Variants in NIBAN1 observed in about 807,000 individuals in gnomAD.
NIBAN1 encodes niban apoptosis regulator 1.
A neutral mutation model predicts 75.1 loss-of-function variants in NIBAN1; 81 were observed. The ratio of observed to expected loss-of-function variants is 1.08; its 90% CI spans 0.90 to 1.30. NIBAN1 has a LOEUF of 1.30. Ranked by LOEUF, NIBAN1 falls within the 50% of genes most tolerant of loss-of-function variation. The pLI, the probability that NIBAN1 is intolerant of heterozygous loss-of-function variation, is 0.00. For synonymous variants in NIBAN1, 436 were observed against 424.8 expected, an observed-to-expected ratio of 1.03 and a Z score of -0.32; for missense variants, 1,133 against 1,128.1, an observed-to-expected ratio of 1.00 and a Z score of -0.06.
intron 1 of NIBAN1, among the ~76,000 whole-genome samples, chr1:184,913,490 TG>T (rs1657303464): frequency 6.6e-6 from 1 of 152,156 alleles, no homozygotes; most frequent in East Asian, 1.9e-4. Flanking sequence ...GTTAACAGAA[TG>T]GGAAGAATTA....
chr1:184,874,445 T>C (rs1437471477), intron 5 of NIBAN1, among the ~76,000 whole-genome samples: 1 of 152,022 alleles, frequency 6.6e-6, no homozygotes, highest in African/African-American at 2.4e-5. Context: ...TTAAAGACTG[T>C]CAGATGTTTT....
intron 9 of NIBAN1, among the ~76,000 whole-genome samples, chr1:184,809,582 T>C (rs1654308882): frequency 6.6e-6 from 1 of 151,418 alleles, no homozygotes; most frequent in African/African-American, 2.4e-5. Context: ...ACTATAGAAA[T>C]AAATACATCA....
chr1:184,856,280 T>G (rs1209712885), intron 5 of NIBAN1, among the ~76,000 whole-genome samples: 1 of 152,184 alleles, frequency 6.6e-6, no homozygotes, highest in Non-Finnish European at 1.5e-5. Context: ...CCTACATGCC[T>G]TCTGGAGAAA....
At chr1:184,925,092 G>T (rs904981834) in intron 1 of NIBAN1, among the ~76,000 whole-genome samples, 1 of 151,936 alleles carries the variant, frequency 6.6e-6, no homozygotes, top group Non-Finnish European at 1.5e-5. Context: ...GTGCTCTAGT[G>T]TTGGGTGCAT....
chr1:184,816,985 T>C (rs1654555922), intron 9 of NIBAN1, among the ~76,000 whole-genome samples: 1 of 152,166 alleles, frequency 6.6e-6, no homozygotes, highest in Non-Finnish European at 1.5e-5. Context: ...CATCAAGTTG[T>C]CATTTACATT....
At chr1:184,916,578 G>A (rs1387184690) in intron 1 of NIBAN1, among the ~76,000 whole-genome samples, 1 of 151,744 alleles carries the variant, frequency 6.6e-6, no homozygotes, top group Non-Finnish European at 1.5e-5. Flanking sequence ...TATACAACTT[G>A]GCCAAAGTTT....
chr1:184,843,810 C>T (rs955785529), intron 5 of NIBAN1, among the ~76,000 whole-genome samples: 34 of 152,108 alleles, frequency 2.2e-4, no homozygotes, highest in Non-Finnish European at 1.3e-4. Flanking sequence ...CATCTAATTC[C>T]CTCTTTAAAA....
chr1:184,891,723 T>C (rs952514300), intron 3 of NIBAN1, among the ~76,000 whole-genome samples: 2 of 152,202 alleles, frequency 1.3e-5, no homozygotes, highest in African/African-American at 2.4e-5. Flanking sequence ...AATGTTTTAC[T>C]TTTCCTGTTT....
In NIBAN1 at chr1:184,973,768, T is replaced by C. The variant is rs547589018; in HGVS notation, c.55+534A>G. ...GGGCGGGAAGGGAACGGCATGACAT[T>C]GTCCTTTTTGCCGCTGATGAAATCA... On this transcript the variant is annotated intron_variant, in intron 1 of 13. Coordinates refer to ENST00000367511, the MANE Select transcript of NIBAN1 (RefSeq NM_052966.4). Among the ~76,000 whole-genome samples the C allele has an allele frequency of 1.1e-4, 17 of 152,320 alleles. No individual in the cohort carries two copies. In the South Asian group the frequency reaches 3.5e-3, roughly 32 times the overall value.
At chr1:184,830,784 C>T (rs563835739) in intron 6 of NIBAN1, among the ~76,000 whole-genome samples, 23 of 152,126 alleles carry the variant, frequency 1.5e-4, no homozygotes, top group African/African-American at 4.3e-4. Context: ...GGGGGAATCA[C>T]GAGGTCAGGA....
At chr1:184,826,718 T>C (rs1427028343) in intron 6 of NIBAN1, among the ~76,000 whole-genome samples, 1 of 152,214 alleles carries the variant, frequency 6.6e-6, no homozygotes. Context: ...AGAAAAATAA[T>C]GTTCCATTTG....
rs547769837 is a variant in NIBAN1, at chr1:184,922,826, C to T, written c.56-23517G>A. ...TTCACCATGTGGGTCTGGCTGGTCTCGAACTCCTGACCTCAGGTGATCCAC... is the reference window on the plus strand; with the variant it reads ...TTCACCATGTGGGTCTGGCTGGTCTTGAACTCCTGACCTCAGGTGATCCAC... On this transcript the variant is annotated intron_variant, in intron 1 of 13. Coordinates refer to ENST00000367511, the MANE Select transcript of NIBAN1 (RefSeq NM_052966.4). 7.2e-5 allele frequency among the ~76,000 whole-genome samples: 11 copies of T among 152,218 alleles called. No homozygotes were observed. In the East Asian group the frequency reaches 1.7e-3, roughly 24 times the overall value.
chr1:184,807,948 A>G (rs774549272), intron 10 of NIBAN1, 126 bp downstream of exon 10: 91 of 1,086,818 alleles, frequency 8.4e-5, no homozygotes, highest in Non-Finnish European at 1.2e-4. Context: ...TCCTCCCGCA[A>G]CATGATGGCT....
At chr1:184,948,249 G>T (rs1481014139) in intron 1 of NIBAN1, among the ~76,000 whole-genome samples, 1 of 152,124 alleles carries the variant, frequency 6.6e-6, no homozygotes, top group Non-Finnish European at 1.5e-5. Flanking sequence ...ATCTGAAACA[G>T]GTCTAGACTC....
chr1:184,876,013 A>C (rs1301291420), intron 5 of NIBAN1, among the ~76,000 whole-genome samples: 5 of 152,102 alleles, frequency 3.3e-5, no homozygotes, highest in Non-Finnish European at 5.9e-5. Context: ...GTCTCTGCTA[A>C]AAATACAAAA....
chr1:184,815,836 G>A (rs55637494), intron 9 of NIBAN1, among the ~76,000 whole-genome samples: 11,825 of 152,180 alleles, frequency 0.078, 570 homozygotes, highest in African/African-American at 0.13. Context: ...CTTCTAGAAG[G>A]ACATCATTTG....
intron 1 of NIBAN1, among the ~76,000 whole-genome samples, chr1:184,924,181 C>T (rs1235312872): frequency 6.6e-6 from 1 of 151,708 alleles, no homozygotes; most frequent in Non-Finnish European, 1.5e-5. Flanking sequence ...TTCATGTGGA[C>T]CTGTCATATA....
chr1:184,816,987 A>G (rs533751812), intron 9 of NIBAN1, among the ~76,000 whole-genome samples: 1 of 152,180 alleles, frequency 6.6e-6, no homozygotes, highest in South Asian at 2.1e-4. Flanking sequence ...TCAAGTTGTC[A>G]TTTACATTAG....
intron 5 of NIBAN1, among the ~76,000 whole-genome samples, chr1:184,882,489 A>T (rs1294212814): frequency 6.6e-6 from 1 of 152,236 alleles, no homozygotes; most frequent in Non-Finnish European, 1.5e-5. Flanking sequence ...TTAAGTCCAC[A>T]TAAAGCCTCA....
Sources: allele counts gnomAD v4.1 joint callset (sites outside exome capture counted in the v4.1 genomes callset), GRCh38; gene constraint gnomAD v4.1.1; transcripts MANE v1.5; gene names NCBI Gene and HGNC (gene_info 2026-07-23, HGNC 2026-07-21).